The following BPIFC variants were observed in gnomAD, a reference collection of about 807,000 sequenced individuals.
BPIFC encodes the protein BPI fold containing family C, also known as BPI fold-containing family C protein.
BPIFC carries 60 observed loss-of-function variants against 57.6 expected under a neutral mutation model. That is an observed-to-expected ratio of 1.04 (90% CI 0.85 to 1.29). The LOEUF is 1.29. Ranked by LOEUF, BPIFC falls within the 50% of genes most tolerant of loss-of-function variation. BPIFC has a pLI of 0.00. For missense variants in BPIFC, 581 were observed against 600.5 expected, an observed-to-expected ratio of 0.97 and a Z score of 0.34; for synonymous variants, 243 against 224.5, an observed-to-expected ratio of 1.08 and a Z score of -0.74.
intron 4 of BPIFC, among the ~76,000 whole-genome samples, chr22:32,452,068 T>C (rs1245400950): frequency 6.6e-6 from 1 of 151,834 alleles, no homozygotes; most frequent in Non-Finnish European, 1.5e-5. Flanking sequence ...GCCCAGCTAA[T>C]TTTTTGTATT....
chr22:32,463,716 G>A (rs1481961858), intron 1 of BPIFC, among the ~76,000 whole-genome samples: 1 of 152,198 alleles, frequency 6.6e-6, no homozygotes, highest in Non-Finnish European at 1.5e-5. Flanking sequence ...CAAAATGACC[G>A]TACATAAGAA....
chr22:32,432,642 G>A (rs1412744996), intron 11 of BPIFC, 99 bp from the exon 12 acceptor site: 1 of 1,158,366 alleles, frequency 8.6e-7, no homozygotes, highest in Non-Finnish European at 1.2e-6. Context: ...ATCTTACATT[G>A]TGCAGTTAGA....
intron 4 of BPIFC, among the ~76,000 whole-genome samples, chr22:32,451,638 TA>T (rs1217151061): frequency 2.0e-5 from 3 of 152,070 alleles, no homozygotes; most frequent in Non-Finnish European, 4.4e-5. Context: ...ATGGCACATG[TA>T]TACATATGTA....
intron 7 of BPIFC, among the ~76,000 whole-genome samples, chr22:32,444,508 T>C (rs1262313477): frequency 1.3e-5 from 2 of 152,152 alleles, no homozygotes; most frequent in South Asian, 2.1e-4. Context: ...CTATTCCTCC[T>C]CATCCCTGTC....
At chr22:32,426,504 C>A (rs1383757999) in intron 13 of BPIFC, among the ~76,000 whole-genome samples, 2 of 152,206 alleles carry the variant, frequency 1.3e-5, no homozygotes, top group Non-Finnish European at 2.9e-5. Flanking sequence ...AGCCTGCTCA[C>A]TGCCTGAGGT....
intron 3 of BPIFC, among the ~76,000 whole-genome samples, chr22:32,455,400 T>A (rs1168835986): frequency 1.3e-5 from 2 of 152,142 alleles, no homozygotes; most frequent in African/African-American, 4.8e-5. Context: ...ACACATCAGA[T>A]CTCTTACTAG....
At position 32,414,322 on chromosome 22, in the gene BPIFC, C is replaced by A; in HGVS notation, c.1505G>T (p.Arg502Met). The A allele has an allele frequency of 6.2e-7, 1 of 1,613,796 alleles. No individual in the cohort carries two copies. The highest frequency in any genetic ancestry group is 1.1e-5 in the South Asian group (1 of 91,016). Residue 502 changes from arginine (R) to methionine (M), a missense_variant, in exon 17 of 17, where the codon AGG becomes ATG. By Grantham distance (91) the Arg-to-Met change is moderately conservative (BLOSUM62 -1). Coordinates refer to ENST00000300399, the MANE Select transcript of BPIFC (RefSeq NM_174932.3). ...CGGCAATCAAGGGGCTGACTTCCCCCTCCACTGTCTGCTTATCAGGTTCAG... is the reference window on the plus strand; with the variant it reads ...CGGCAATCAAGGGGCTGACTTCCCCATCCACTGTCTGCTTATCAGGTTCAG... ...EGLNLISRQWRGKSAP is the reference protein window; with the variant it reads ...EGLNLISRQWMGKSAP
At chr22:32,462,738 T>C (rs1316427511) in intron 1 of BPIFC, among the ~76,000 whole-genome samples, 1 of 152,220 alleles carries the variant, frequency 6.6e-6, no homozygotes, top group African/African-American at 2.4e-5. Flanking sequence ...TGAATTTATT[T>C]TTATTGAATG....
chr22:32,441,619 T>G (rs564606250), intron 8 of BPIFC, among the ~76,000 whole-genome samples: 1 of 152,262 alleles, frequency 6.6e-6, no homozygotes, highest in Admixed American at 6.5e-5. Flanking sequence ...GAAGAGGCTA[T>G]GTCTGAGCTG....
At position 32,437,843 on chromosome 22, in the gene BPIFC, T is replaced by G. The variant is rs1238217042; in HGVS notation, c.664A>C (p.Lys222Gln). Residue 222 changes from lysine to glutamine, a missense_variant, in exon 9 of 17, where the codon AAG (lysine) becomes CAG (glutamine). Transcript: ENST00000300399. ...ANLSTLEVLT[K>Q]IDNYTLLDYS... Reference sequence around the variant, plus strand: ...TCCAGCAGAGTGTAGTTGTCAATCTTGGTTAAAACTAAATAACCAACAAAG... The same window carrying G: ...TCCAGCAGAGTGTAGTTGTCAATCTGGGTTAAAACTAAATAACCAACAAAG... 1 of 1,605,778 alleles carries G rather than the reference T, an allele frequency of 6.2e-7. No homozygotes were observed. The highest frequency in any genetic ancestry group is 8.5e-7 in the Non-Finnish European group (1 of 1,173,032).
chr22:32,454,710 GA>G (rs1378251098), intron 3 of BPIFC, among the ~76,000 whole-genome samples: 1 of 152,068 alleles, frequency 6.6e-6, no homozygotes, highest in African/African-American at 2.4e-5. Flanking sequence ...TAAAATGCCA[GA>G]AAAAAATATT....
chr22:32,425,385 C>A (rs1303844029), intron 13 of BPIFC, among the ~76,000 whole-genome samples: 1 of 152,008 alleles, frequency 6.6e-6, no homozygotes, highest in African/African-American at 2.4e-5. Context: ...GGCACAGGAC[C>A]TAGTAGATGA....
chr22:32,424,023 C>T (rs1383177727), intron 13 of BPIFC, among the ~76,000 whole-genome samples: 1 of 151,424 alleles, frequency 6.6e-6, no homozygotes. Context: ...AAAATTTGAT[C>T]TTAGAATGGG....
chr22:32,445,273 C>T (rs962067403), intron 7 of BPIFC, among the ~76,000 whole-genome samples: 37 of 152,338 alleles, frequency 2.4e-4, no homozygotes, highest in African/African-American at 8.4e-4. Flanking sequence ...CGCGGTGGCT[C>T]ATGCCTGTAA....
Position 32,461,636 on chromosome 22 carries a change from T to C in BPIFC, c.-63A>G. The C allele has an allele frequency of 3.0e-6, 3 of 985,560 alleles. No individual in the cohort carries two copies. Among genetic ancestry groups the C allele is most frequent in the Non-Finnish European group, 3.6e-6 (3 of 830,064 alleles). 61.1% of individuals were successfully genotyped at this position (985,560 alleles called of 1,614,324 possible). Reference sequence around the variant, plus strand: ...GCTGGGCCTTTCTTGATCCTTTAGTTGCCCTTGGAGGTTAGTCAAGGTGTC... The same window carrying C: ...GCTGGGCCTTTCTTGATCCTTTAGTCGCCCTTGGAGGTTAGTCAAGGTGTC... On this transcript the variant is annotated 5_prime_UTR_variant, in exon 2 of 17. Coordinates refer to ENST00000300399, the MANE Select transcript of BPIFC (RefSeq NM_174932.3).
chr22:32,448,952 A>T (rs974789747), intron 4 of BPIFC, among the ~76,000 whole-genome samples: 11 of 152,194 alleles, frequency 7.2e-5, no homozygotes, highest in Non-Finnish European at 1.3e-4. Context: ...AAAAAAAAGA[A>T]ATTATTATGA....
chr22:32,432,113 A>ATT (rs912484476), intron 12 of BPIFC, among the ~76,000 whole-genome samples: 1 of 145,976 alleles, frequency 6.9e-6, no homozygotes, highest in Non-Finnish European at 1.5e-5. Flanking sequence ...AATTCAAACA[A>ATT]TTTTTTTTTT....
At chr22:32,441,753 A>G (rs1328378281) in intron 8 of BPIFC, among the ~76,000 whole-genome samples, 1 of 152,132 alleles carries the variant, frequency 6.6e-6, no homozygotes, top group Non-Finnish European at 1.5e-5. Context: ...TGGGCACTCA[A>G]TATGTATCTG....
Position 32,424,680 on chromosome 22 carries a change from CT to C in BPIFC, c.1218-5277del, listed in dbSNP as rs1427118230. The stretch of plus-strand genomic sequence containing the variant: ...TCTTCTTCTTCTTCTTCTTCTTCTT[CT>C]TCTTCTTCTTCCTCTTCTTCTTCCT... On this transcript the variant is annotated intron_variant, in intron 13 of 16. Coordinates refer to ENST00000300399, the MANE Select transcript of BPIFC (RefSeq NM_174932.3). Among the ~76,000 whole-genome samples, 44 of 91,334 alleles carry C rather than the reference CT, an allele frequency of 4.8e-4. 5 individuals carry two copies. The highest frequency in any genetic ancestry group is 0.01 in the Middle Eastern group (2 of 200). 59.9% of individuals were successfully genotyped at this position (91,334 alleles called of 152,430 possible). A position where few individuals can be genotyped will look rare whatever the true frequency, so the allele number is the denominator to read the frequency against.
Sources: gnomAD v4.1 joint callset for allele counts (sites outside exome capture counted in the v4.1 genomes callset) on GRCh38, gnomAD v4.1.1 for gene constraint, MANE v1.5 for transcripts, NCBI Gene and HGNC (gene_info 2026-07-23, HGNC 2026-07-21) for gene names.